The following UBTD2 variants were observed in gnomAD, a reference collection of about 807,000 sequenced individuals.
The protein encoded by UBTD2 is ubiquitin domain containing 2.
In UBTD2, 9 loss-of-function variants were observed where a neutral mutation model predicts 19.8. The ratio of observed to expected loss-of-function variants is 0.46; its 90% CI spans 0.27 to 0.79. The LOEUF (loss-of-function observed/expected upper bound fraction) is 0.79. Ranked by LOEUF, UBTD2 falls within the 30% of genes least tolerant of loss-of-function variation. UBTD2 has a pLI of 0.14. For synonymous variants in UBTD2, 98 were observed against 103.9 expected, an observed-to-expected ratio of 0.94 and a Z score of 0.35; for missense variants, 250 against 300.4, an observed-to-expected ratio of 0.83 and a Z score of 1.24.
At chr5:172,241,746 G>C (rs558858096) in intron 1 of UBTD2, among the ~76,000 whole-genome samples, 2 of 152,202 alleles carry the variant, frequency 1.3e-5, no homozygotes, top group Non-Finnish European at 2.9e-5. Flanking sequence ...TGGGTGTGCT[G>C]GCTCATACCT....
At chr5:172,220,036 A>AAAGAC (rs1356408851) in intron 2 of UBTD2, among the ~76,000 whole-genome samples, 1 of 67,962 alleles carries the variant, frequency 1.5e-5, no homozygotes, top group Non-Finnish European at 3.0e-5. Context: ...CATTACAAGC[A>AAAGAC]AACTACAGAC....
chr5:172,271,802 C>T (rs145934229), intron 1 of UBTD2, among the ~76,000 whole-genome samples: 1 of 152,266 alleles, frequency 6.6e-6, no homozygotes, highest in African/African-American at 2.4e-5. Context: ...GGTACTGTCA[C>T]ATAGCCCACA....
At chr5:172,221,619 T>C (rs1771652395) in intron 2 of UBTD2, among the ~76,000 whole-genome samples, 1 of 152,182 alleles carries the variant, frequency 6.6e-6, no homozygotes, top group South Asian at 2.1e-4. Flanking sequence ...TATAATATGA[T>C]TCCAACTATT....
intron 1 of UBTD2, among the ~76,000 whole-genome samples, chr5:172,238,042 G>A (rs1772046843): frequency 1.3e-5 from 2 of 152,190 alleles, no homozygotes; most frequent in African/African-American, 2.4e-5. Context: ...CCACAAACCT[G>A]TATTTCTGAA....
At chr5:172,260,940 G>A (rs1161756637) in intron 1 of UBTD2, among the ~76,000 whole-genome samples, 2 of 152,178 alleles carry the variant, frequency 1.3e-5, no homozygotes, top group African/African-American at 2.4e-5. Context: ...AGGGTTTGTT[G>A]AATAGGCCCT....
chr5:172,253,241 T>C (rs1755064196), intron 1 of UBTD2, among the ~76,000 whole-genome samples: 1 of 152,068 alleles, frequency 6.6e-6, no homozygotes, highest in Non-Finnish European at 1.5e-5. Flanking sequence ...ATTACAAAAT[T>C]CTAAGCTTTA....
chr5:172,263,486 A>G (rs1262764242), intron 1 of UBTD2, among the ~76,000 whole-genome samples: 1 of 152,226 alleles, frequency 6.6e-6, no homozygotes, highest in Non-Finnish European at 1.5e-5. Context: ...TATGTTATAT[A>G]AAGTTATATT....
At chr5:172,218,142 C>A (rs73802413) in intron 2 of UBTD2, among the ~76,000 whole-genome samples, 7,716 of 152,096 alleles carry the variant, frequency 0.051, 618 homozygotes, top group African/African-American at 0.17. Flanking sequence ...CTGCTTATAC[C>A]ATAATGGAAA....
intron 1 of UBTD2, among the ~76,000 whole-genome samples, chr5:172,249,421 A>G (rs994809865): frequency 1.3e-5 from 2 of 149,770 alleles, no homozygotes; most frequent in African/African-American, 5.0e-5. Flanking sequence ...AAAAAAAAAA[A>G]AAAAAAGAAC....
rs1162933003 is a variant in UBTD2, at chr5:172,210,835, G to A, written c.*995C>T. The A allele has an allele frequency of 6.6e-6, 1 of 152,054 alleles. No homozygotes were observed. The highest frequency in any genetic ancestry group is 2.4e-5 in the African/African-American group (1 of 41,394). The allele number at this position is 152,054 out of a possible 1,614,324, so 9.4% of individuals were successfully genotyped here. A position where few individuals can be genotyped will look rare whatever the true frequency, so the allele number is the denominator to read the frequency against. Reference sequence around the variant, plus strand: ...ATAGGCTTTCCTTACACCCCTCCATGCAAAGTGGAGGAAATCATTTACTTT... The same window carrying A: ...ATAGGCTTTCCTTACACCCCTCCATACAAAGTGGAGGAAATCATTTACTTT... On this transcript the variant is annotated 3_prime_UTR_variant, in exon 3 of 3. Coordinates refer to ENST00000393792, the MANE Select transcript of UBTD2 (RefSeq NM_152277.3).
At position 172,211,812 on chromosome 5, in the gene UBTD2, T is replaced by C; in HGVS notation, c.*18A>G. 1 of 1,569,176 alleles carries C rather than the reference T, an allele frequency of 6.4e-7. No individual in the cohort carries two copies. The highest frequency in any genetic ancestry group is 8.7e-7 in the Non-Finnish European group (1 of 1,155,780). On this transcript the variant is annotated 3_prime_UTR_variant, in exon 3 of 3. Transcript: ENST00000393792. ...AAAAGGAGCAGAGGGATGTGGGAGC[T>C]GGCCAACAGGGCTCAGTTCAGTTCT... is the stretch of plus-strand genomic sequence containing the variant.
intron 2 of UBTD2, among the ~76,000 whole-genome samples, chr5:172,218,775 C>CAAAAAAAAAAAAAAAAAAAA (rs1196929218): frequency 5.9e-5 from 3 of 50,464 alleles, no homozygotes; most frequent in Non-Finnish European, 8.3e-5. Flanking sequence ...ACCCTGTCAC[C>CAAAAAAAAAAAAAAAAAAAA]AAAAAAAAAA....
chr5:172,235,142 A>G (rs1274151314), intron 1 of UBTD2, among the ~76,000 whole-genome samples: 1 of 152,116 alleles, frequency 6.6e-6, no homozygotes, highest in Admixed American at 6.5e-5. Flanking sequence ...AGAACTGCCT[A>G]GAAGGTAAGT....
At chr5:172,262,833 A>C (rs942046903) in intron 1 of UBTD2, among the ~76,000 whole-genome samples, 1 of 152,224 alleles carries the variant, frequency 6.6e-6, no homozygotes, top group African/African-American at 2.4e-5. Context: ...TATCGTTAAC[A>C]ATCACAGTTC....
At chr5:172,266,268 A>G (rs1003209258) in intron 1 of UBTD2, among the ~76,000 whole-genome samples, 1 of 152,230 alleles carries the variant, frequency 6.6e-6, no homozygotes, top group East Asian at 1.9e-4. Context: ...CAAAGGAAAC[A>G]GCACGAAAGC....
chr5:172,248,453 C>T (rs1283994685), intron 1 of UBTD2, among the ~76,000 whole-genome samples: 2 of 151,696 alleles, frequency 1.3e-5, no homozygotes, highest in Non-Finnish European at 2.9e-5. Context: ...CTGGGTGTGG[C>T]GGCACACCCC....
At chr5:172,267,236 T>A (rs1053044095) in intron 1 of UBTD2, among the ~76,000 whole-genome samples, 3 of 152,196 alleles carry the variant, frequency 2.0e-5, no homozygotes, top group African/African-American at 7.2e-5. Flanking sequence ...AAGTTTCTAA[T>A]ATGAAGACCA....
In UBTD2 at chr5:172,280,353, C is replaced by T. The variant is rs373060649; in HGVS notation, c.70+3243G>A. The stretch of plus-strand genomic sequence containing the variant: ...TGAAACCCCGTCTCTACTAAAAATA[C>T]CAACAAATTAGCTGGGCATGGTGGT... On this transcript the variant is annotated intron_variant, in intron 1 of 2. Transcript: ENST00000393792. 1.7e-4 allele frequency among the ~76,000 whole-genome samples: 26 copies of T among 151,892 alleles called. No individual in the cohort carries two copies. The South Asian group carries it at 5.4e-3, about 32-fold the overall frequency.
intron 1 of UBTD2, among the ~76,000 whole-genome samples, chr5:172,248,079 G>A (rs1754919675): frequency 6.6e-6 from 1 of 151,992 alleles, no homozygotes; most frequent in Non-Finnish European, 1.5e-5. Context: ...GACCAAAAAA[G>A]AAATTACAAG....
Sources: allele counts gnomAD v4.1 joint callset (sites outside exome capture counted in the v4.1 genomes callset), GRCh38; gene constraint gnomAD v4.1.1; transcripts MANE v1.5; gene names NCBI Gene and HGNC (gene_info 2026-07-23, HGNC 2026-07-21).